Variants in PTPRD observed in about 807,000 individuals in gnomAD.
The protein encoded by PTPRD is receptor-type tyrosine-protein phosphatase delta.
In PTPRD, 34 loss-of-function variants were observed where a neutral mutation model predicts 214.5. The ratio of observed to expected loss-of-function variants is 0.16; its 90% CI spans 0.12 to 0.21. PTPRD has a LOEUF of 0.21. Ranked by LOEUF, PTPRD falls within the 10% of genes least tolerant of loss-of-function variation. The pLI, the probability that PTPRD is intolerant of heterozygous loss-of-function variation, is 1.00. For missense variants in PTPRD, 2,545 were observed against 2,398.7 expected (o/e 1.06, Z -1.27); for synonymous variants, 1,128 against 845.7 (o/e 1.33, Z -5.79).
intron 8 of PTPRD, among the ~76,000 whole-genome samples, chr9:9,482,577 T>A (rs970315384): frequency 6.6e-6 from 1 of 152,116 alleles, no homozygotes; most frequent in African/African-American, 2.4e-5. Flanking sequence ...TAAGCACACA[T>A]TATCTTGTAC....
At chr9:9,155,116 A>G (rs1288035266) in intron 10 of PTPRD, among the ~76,000 whole-genome samples, 1 of 152,186 alleles carries the variant, frequency 6.6e-6, no homozygotes, top group Non-Finnish European at 1.5e-5. Flanking sequence ...TGTAGTACGA[A>G]ATGACGATTG....
intron 3 of PTPRD, among the ~76,000 whole-genome samples, chr9:10,132,351 T>A (rs291307): frequency 0.78 from 118,144 of 151,826 alleles, 46,077 homozygotes; most frequent in Middle Eastern, 0.89. Context: ...GAATGTAATT[T>A]AAAAAAAACT....
chr9:8,773,835 G>C (rs537203755), intron 11 of PTPRD, among the ~76,000 whole-genome samples: 1 of 152,256 alleles, frequency 6.6e-6, no homozygotes, highest in East Asian at 1.9e-4. Context: ...TGCACATGCT[G>C]TTTCCTGTCT....
intron 45 of PTPRD, among the ~76,000 whole-genome samples, chr9:8,318,408 T>C (rs1351678549): frequency 6.6e-6 from 1 of 152,076 alleles, no homozygotes; most frequent in Non-Finnish European, 1.5e-5. Context: ...AATTTACTTA[T>C]CTTCTGAACT....
intron 9 of PTPRD, among the ~76,000 whole-genome samples, chr9:9,391,993 C>T (rs2065998948): frequency 1.3e-5 from 2 of 152,010 alleles, no homozygotes; most frequent in Admixed American, 6.6e-5. Flanking sequence ...GGGTGTTGAT[C>T]CTTACTACTC....
intron 9 of PTPRD, among the ~76,000 whole-genome samples, chr9:9,192,961 G>T (rs1445210): frequency 0.67 from 101,276 of 151,858 alleles, 33,873 homozygotes; most frequent in East Asian, 0.8. Flanking sequence ...TTGCATTTTA[G>T]GTTATTTGAA....
intron 3 of PTPRD, among the ~76,000 whole-genome samples, chr9:10,099,570 A>G (rs939092229): frequency 1.3e-5 from 2 of 151,796 alleles, no homozygotes; most frequent in African/African-American, 2.4e-5. Context: ...TGACCATGCT[A>G]TCTAGAAACA....
Position 10,593,571 on chromosome 9 carries a change from G to T in PTPRD, c.-600+18827C>A, listed in dbSNP as rs563554902. On this transcript the variant is annotated intron_variant, in intron 2 of 45. Coordinates refer to ENST00000381196, the MANE Select transcript of PTPRD (RefSeq NM_002839.4). ...GATTTTGAAGTCACCAGTGGCTTCA[G>T]ATCTGTGTTCTTGTTCTAAATATGT... Among the ~76,000 whole-genome samples the T allele has an allele frequency of 2.6e-4, 39 of 152,096 alleles. No homozygotes were observed. In the South Asian group the frequency reaches 7.9e-3, roughly 31 times the overall value.
chr9:8,845,068 A>G (rs990442825), intron 11 of PTPRD, among the ~76,000 whole-genome samples: 1 of 151,964 alleles, frequency 6.6e-6, no homozygotes, highest in African/African-American at 2.4e-5. Context: ...AGTACTTTGC[A>G]TTTAGCATAG....
chr9:9,407,784 C>T (rs1223348383), intron 8 of PTPRD, among the ~76,000 whole-genome samples: 1 of 151,740 alleles, frequency 6.6e-6, no homozygotes, highest in Non-Finnish European at 1.5e-5. Flanking sequence ...CATTTCAGTT[C>T]CTTGTACACG....
At position 9,627,718 on chromosome 9, in the gene PTPRD, G is replaced by C. The variant is rs902803972; in HGVS notation, c.-286-52937C>G. Among the ~76,000 whole-genome samples the C allele has an allele frequency of 5.3e-5, 8 of 152,284 alleles. No homozygotes were observed. The East Asian group carries it at 1.5e-3, about 29-fold the overall frequency. Reference sequence around the variant, plus strand: ...GAGCTTTCCAAGAAAGGTTAGAATGGTTTCAATATGTGAAGCCATTTGAGA... The same window carrying C: ...GAGCTTTCCAAGAAAGGTTAGAATGCTTTCAATATGTGAAGCCATTTGAGA... On this transcript the variant is annotated intron_variant, in intron 7 of 45. Transcript: ENST00000381196.
chr9:10,187,202 G>A (rs2099338293), intron 3 of PTPRD, among the ~76,000 whole-genome samples: 1 of 151,714 alleles, frequency 6.6e-6, no homozygotes, highest in Non-Finnish European at 1.5e-5. Context: ...TAACCTTTCT[G>A]TCTCTTACAG....
chr9:8,889,144 G>A (rs1449664885), intron 11 of PTPRD, among the ~76,000 whole-genome samples: 1 of 152,182 alleles, frequency 6.6e-6, no homozygotes, highest in African/African-American at 2.4e-5. Flanking sequence ...ATGAAGAGGA[G>A]GAGAAAGCTT....
rs150044153 is a variant in PTPRD, at chr9:10,217,289, C to A, written c.-545+123674G>T. ...GGCCTCTTCCAGGCCAACACAGACA[C>A]GCAGGTACAAACACATACAAACACA... On this transcript the variant is annotated intron_variant, in intron 3 of 45. Coordinates refer to ENST00000381196, the MANE Select transcript of PTPRD (RefSeq NM_002839.4). 5.3e-5 allele frequency among the ~76,000 whole-genome samples: 8 copies of A among 151,578 alleles called. No individual in the cohort carries two copies. The Admixed American group carries it at 5.3e-4, about 10-fold the overall frequency.
At chr9:9,421,283 GAAA>G (rs5896326) in intron 8 of PTPRD, among the ~76,000 whole-genome samples, 102 of 150,420 alleles carry the variant, frequency 6.8e-4, no homozygotes, top group African/African-American at 2.2e-3. Context: ...CTGTCTTTGT[GAAA>G]AAAAAAAAAT....
chr9:9,785,827 T>C (rs2098919128), intron 5 of PTPRD, among the ~76,000 whole-genome samples: 1 of 152,100 alleles, frequency 6.6e-6, no homozygotes, highest in Admixed American at 6.6e-5. Context: ...AAGCTGGATA[T>C]GGGGTACATA....
intron 3 of PTPRD, among the ~76,000 whole-genome samples, chr9:10,142,404 C>T (rs1434681690): frequency 2.0e-5 from 3 of 151,466 alleles, no homozygotes; most frequent in Admixed American, 1.3e-4. Context: ...CCAGAATCTA[C>T]AATGAACTCA....
chr9:9,393,422 G>T (rs1408594643), intron 9 of PTPRD, among the ~76,000 whole-genome samples: 1 of 152,086 alleles, frequency 6.6e-6, no homozygotes, highest in Non-Finnish European at 1.5e-5. Context: ...AGGATATATG[G>T]ACAGCCATTG....
chr9:8,778,234 C>G (rs187062659), intron 11 of PTPRD, among the ~76,000 whole-genome samples: 2 of 152,324 alleles, frequency 1.3e-5, no homozygotes, highest in Admixed American at 1.3e-4. Context: ...CAAATTATAA[C>G]ATTTCACTAC....
Sources: allele counts gnomAD v4.1 joint callset (sites outside exome capture counted in the v4.1 genomes callset), GRCh38; gene constraint gnomAD v4.1.1; transcripts MANE v1.5; gene names NCBI Gene and HGNC (gene_info 2026-07-23, HGNC 2026-07-21).